Variants in ANXA10 observed in about 807,000 individuals in gnomAD.
ANXA10 encodes the protein annexin 14.
Under a neutral mutation model 53.5 loss-of-function variants are expected in ANXA10, and 49 were observed. The observed-to-expected ratio is 0.92, with a 90% CI of 0.73 to 1.16. The LOEUF is 1.16. Among genes scored for constraint, ANXA10 ranks in the 50% most tolerant of loss-of-function variants. The pLI is 0.00. For synonymous variants in ANXA10, 131 were observed against 128.9 expected (o/e 1.02, Z -0.11); for missense variants, 393 against 394.4 (o/e 1.00, Z 0.03).
At chr4:168,171,012 T>A (rs920927639) in intron 6 of ANXA10, among the ~76,000 whole-genome samples, 1 of 152,176 alleles carries the variant, frequency 6.6e-6, no homozygotes, top group Admixed American at 6.5e-5. Flanking sequence ...TTCTCACTTC[T>A]ACATTAATGG....
intron 1 of ANXA10, among the ~76,000 whole-genome samples, chr4:168,120,304 T>C (rs1273833849): frequency 2.0e-5 from 3 of 152,044 alleles, no homozygotes; most frequent in African/African-American, 4.8e-5. Context: ...TTCCAAGAAA[T>C]ATAAAATTTC....
intron 6 of ANXA10, among the ~76,000 whole-genome samples, chr4:168,170,289 T>C (rs1156911105): frequency 6.6e-6 from 1 of 152,176 alleles, no homozygotes; most frequent in East Asian, 1.9e-4. Flanking sequence ...TTCTTATATA[T>C]GTCATTAAAA....
intron 1 of ANXA10, among the ~76,000 whole-genome samples, chr4:168,117,217 T>C (rs1366400904): frequency 6.6e-6 from 1 of 152,052 alleles, no homozygotes; most frequent in Non-Finnish European, 1.5e-5. Flanking sequence ...CACTCCAGCC[T>C]GGGCAACAGA....
chr4:168,143,865 C>A (rs545602080), intron 3 of ANXA10, among the ~76,000 whole-genome samples: 10 of 152,200 alleles, frequency 6.6e-5, no homozygotes, highest in Non-Finnish European at 1.2e-4. Context: ...TCCACAGCTT[C>A]TCAGTAATGC....
At chr4:168,106,392 T>C (rs1386333450) in intron 1 of ANXA10, among the ~76,000 whole-genome samples, 3 of 152,124 alleles carry the variant, frequency 2.0e-5, no homozygotes, top group Non-Finnish European at 4.4e-5. Flanking sequence ...AAGCTAGGCA[T>C]TTCTAATTTT....
chr4:168,120,798 A>G (rs1730972724), intron 1 of ANXA10, among the ~76,000 whole-genome samples: 1 of 152,272 alleles, frequency 6.6e-6, no homozygotes, highest in South Asian at 2.1e-4. Context: ...TAAAATGTCA[A>G]TACTTACAGT....
chr4:168,177,741 G>C lies in ANXA10; in HGVS notation c.482G>C (p.Gly161Ala). 1 of 1,614,076 alleles carries C rather than the reference G, an allele frequency of 6.2e-7. No homozygotes were observed. ...FRDTLMNLVQGTREEGYTDPA... is the reference protein window; with the variant it reads ...FRDTLMNLVQATREEGYTDPA... ...GGAAAACCTGTGCTTACTTTACAGG[G>C]GACCAGAGAGGAAGGATATACAGAC... Residue 161 changes from glycine (G) to alanine (A), a missense_variant and splice_region_variant, in exon 7 of 12, where the codon GGG (glycine) becomes GCG (alanine). Gly to Ala is a moderately conservative substitution (Grantham distance 60). Coordinates refer to ENST00000359299, the MANE Select transcript of ANXA10 (RefSeq NM_007193.5).
chr4:168,155,835 T>TGA (rs1731631296), intron 3 of ANXA10, among the ~76,000 whole-genome samples: 1 of 9,028 alleles, frequency 1.1e-4, no homozygotes, highest in African/African-American at 6.2e-4. Flanking sequence ...ATATGATATA[T>TGA]CATATATAAT....
At chr4:168,154,306 T>G (rs1731562783) in intron 3 of ANXA10, among the ~76,000 whole-genome samples, 1 of 152,158 alleles carries the variant, frequency 6.6e-6, no homozygotes, top group Non-Finnish European at 1.5e-5. Flanking sequence ...TATACATTCA[T>G]GTATGTATTA....
intron 3 of ANXA10, among the ~76,000 whole-genome samples, 167 bp from the exon 4 acceptor site, chr4:168,162,361 A>G (rs1263843657): frequency 1.3e-5 from 2 of 152,222 alleles, no homozygotes; most frequent in East Asian, 3.9e-4. Flanking sequence ...ACAATTTTCA[A>G]GTTCATCATC....
In ANXA10 at chr4:168,155,312, A is replaced by T. The variant is rs1053723916; in HGVS notation, c.196-7216A>T. ...CTCTCTTGTTGGCCCTTAGTAATATATATATTATATTATATGTATTACATT... is the reference window on the plus strand; with the variant it reads ...CTCTCTTGTTGGCCCTTAGTAATATTTATATTATATTATATGTATTACATT... On this transcript the variant is annotated intron_variant, in intron 3 of 11. Coordinates refer to ENST00000359299, the MANE Select transcript of ANXA10 (RefSeq NM_007193.5). Among the ~76,000 whole-genome samples, 17 of 128,356 alleles carry T rather than the reference A, an allele frequency of 1.3e-4. No individual in the cohort carries two copies. The East Asian group carries it at 2.3e-3, about 17-fold the overall frequency. The allele number at this position is 128,356 out of a possible 152,430, so 84.2% of individuals were successfully genotyped here.
At chr4:168,129,638 T>G (rs1459311937) in intron 2 of ANXA10, among the ~76,000 whole-genome samples, 1 of 152,180 alleles carries the variant, frequency 6.6e-6, no homozygotes, top group Non-Finnish European at 1.5e-5. Context: ...TCTGGCGAAG[T>G]GTTATTGAAA....
chr4:168,093,408 T>A (rs1288152386), intron 1 of ANXA10, among the ~76,000 whole-genome samples: 5 of 152,174 alleles, frequency 3.3e-5, no homozygotes, highest in Non-Finnish European at 7.4e-5. Context: ...AACATGAACA[T>A]TAAGTTGTCT....
chr4:168,107,270 A>G (rs1421919181), intron 1 of ANXA10, among the ~76,000 whole-genome samples: 2 of 152,212 alleles, frequency 1.3e-5, no homozygotes, highest in Non-Finnish European at 2.9e-5. Context: ...AACAGAGTAA[A>G]GGAAACAAAG....
At chr4:168,148,374 C>T (rs901588152) in intron 3 of ANXA10, among the ~76,000 whole-genome samples, 14 of 152,102 alleles carry the variant, frequency 9.2e-5, no homozygotes, top group Non-Finnish European at 1.9e-4. Flanking sequence ...ACCATCTTGG[C>T]CAGGCTGGTC....
intron 1 of ANXA10, among the ~76,000 whole-genome samples, chr4:168,106,683 C>A (rs1296521592): frequency 6.6e-6 from 1 of 152,026 alleles, no homozygotes; most frequent in Admixed American, 6.6e-5. Context: ...TGCTTTACTG[C>A]CTTACTTTAG....
intron 1 of ANXA10, among the ~76,000 whole-genome samples, chr4:168,122,204 A>G: frequency 6.6e-6 from 1 of 152,278 alleles, no homozygotes; most frequent in East Asian, 1.9e-4. Flanking sequence ...TCTCAAATCC[A>G]TATCCATTGA....
intron 6 of ANXA10, among the ~76,000 whole-genome samples, chr4:168,173,984 G>A (rs1243091945): frequency 6.6e-6 from 1 of 152,068 alleles, no homozygotes; most frequent in East Asian, 1.9e-4. Context: ...GCCCACCTTC[G>A]GGTGGTGGGG....
chr4:168,158,616 C>T (rs1305099093), intron 3 of ANXA10, among the ~76,000 whole-genome samples: 2 of 152,126 alleles, frequency 1.3e-5, no homozygotes, highest in African/African-American at 2.4e-5. Context: ...GAGCAGACAT[C>T]CTTGCCTTGT....
Sources: allele counts gnomAD v4.1 joint callset (sites outside exome capture counted in the v4.1 genomes callset), GRCh38; gene constraint gnomAD v4.1.1; transcripts MANE v1.5; gene names NCBI Gene and HGNC (gene_info 2026-07-23, HGNC 2026-07-21).